The following PRKN variants were observed in gnomAD, a reference collection of about 807,000 sequenced individuals.
PRKN encodes parkin RBR E3 ubiquitin protein ligase.
In PRKN, 56 loss-of-function variants were observed where a neutral mutation model predicts 59.5. The observed-to-expected ratio is 0.94, with a 90% CI of 0.76 to 1.18. PRKN has a LOEUF of 1.18. Among genes scored for constraint, PRKN ranks in the 50% most tolerant of loss-of-function variants. PRKN has a pLI of 0.00. For missense variants in PRKN, 657 were observed against 596.4 expected (o/e 1.10, Z -1.06); for synonymous variants, 250 against 222.1 (o/e 1.13, Z -1.12).
At chr6:161,570,126 A>T (rs1337794196) in intron 7 of PRKN, among the ~76,000 whole-genome samples, 47 of 67,872 alleles carry the variant, frequency 6.9e-4, no homozygotes, top group East Asian at 6.6e-3. Flanking sequence ...TAAATAGGTA[A>T]AAAAAAAAAA....
At chr6:161,860,432 A>C (rs1313170823) in intron 6 of PRKN, among the ~76,000 whole-genome samples, 1 of 152,132 alleles carries the variant, frequency 6.6e-6, no homozygotes, top group Non-Finnish European at 1.5e-5. Flanking sequence ...ATCCCACTTA[A>C]ATCTTCTTTT....
At chr6:162,430,829 G>A (rs1395946234) in intron 2 of PRKN, among the ~76,000 whole-genome samples, 1 of 152,108 alleles carries the variant, frequency 6.6e-6, no homozygotes, top group African/African-American at 2.4e-5. Flanking sequence ...GCTAAAATAG[G>A]AAGAGAAATA....
At chr6:162,478,671 C>T (rs1247048354) in intron 1 of PRKN, among the ~76,000 whole-genome samples, 1 of 152,070 alleles carries the variant, frequency 6.6e-6, no homozygotes, top group African/African-American at 2.4e-5. Flanking sequence ...TTGGGAACAC[C>T]ACGGAAGGGA....
chr6:161,894,544 C>T (rs983846111), intron 6 of PRKN, among the ~76,000 whole-genome samples: 15 of 152,154 alleles, frequency 9.9e-5, no homozygotes, highest in African/African-American at 3.6e-4. Flanking sequence ...TTTGCTTGGA[C>T]CTTAATGTAT....
rs748916611 is a variant in PRKN, at chr6:161,355,657, C to A, written c.1285+4431G>T. Among the ~76,000 whole-genome samples, 1 of 152,136 alleles carries A rather than the reference C, an allele frequency of 6.6e-6. No homozygotes were observed. The highest frequency in any genetic ancestry group is 1.5e-5 in the Non-Finnish European group (1 of 68,032). ...TTGAACTCAAGCGATCTGCCAGCCT[C>A]GGCCTCCCAAAGTGCTGGGATTACA... On this transcript the variant is annotated intron_variant, in intron 11 of 11. Transcript: ENST00000366898. The surrounding 1 kb of genome is among the most constrained non-coding windows in gnomAD (Gnocchi z 6.8).
chr6:162,061,015 G>A (rs1778079833), intron 4 of PRKN, among the ~76,000 whole-genome samples: 1 of 152,266 alleles, frequency 6.6e-6, no homozygotes, highest in Non-Finnish European at 1.5e-5. Flanking sequence ...TGAAAAAGCT[G>A]TACCCAGAAG....
At chr6:161,792,889 G>C (rs1790693669) in intron 6 of PRKN, among the ~76,000 whole-genome samples, 1 of 152,194 alleles carries the variant, frequency 6.6e-6, no homozygotes. Context: ...CTTTTAGTTA[G>C]AGATGGCTTA....
chr6:162,403,357 C>T (rs1270774611), intron 2 of PRKN, among the ~76,000 whole-genome samples: 2 of 152,082 alleles, frequency 1.3e-5, no homozygotes, highest in Non-Finnish European at 2.9e-5. Context: ...ACCCGGGCTG[C>T]GTCTTTACTC....
intron 7 of PRKN, among the ~76,000 whole-genome samples, chr6:161,627,344 A>G (rs960470702): frequency 4.6e-5 from 7 of 152,234 alleles, no homozygotes; most frequent in African/African-American, 1.7e-4. Context: ...ATTTTCTGAA[A>G]GAACTCTACC....
chr6:161,783,653 A>G (rs905234265), intron 7 of PRKN: 1 of 505,466 alleles, frequency 2.0e-6, no homozygotes, highest in Non-Finnish European at 3.9e-6. Flanking sequence ...AAATGTTTCT[A>G]TTGTTTGTGG....
intron 2 of PRKN, among the ~76,000 whole-genome samples, chr6:162,341,075 A>AGG: frequency 6.6e-6 from 1 of 152,062 alleles, no homozygotes; most frequent in African/African-American, 2.4e-5. Flanking sequence ...TTACAAGGGA[A>AGG]AAAAAAACAT....
chr6:162,660,436 G>C (rs1010265757), intron 1 of PRKN, among the ~76,000 whole-genome samples: 1 of 152,082 alleles, frequency 6.6e-6, no homozygotes, highest in African/African-American at 2.4e-5. Flanking sequence ...AATTTCCTCT[G>C]CATCTTCTCC....
At chr6:161,991,669 C>T (rs1408448617) in intron 5 of PRKN, among the ~76,000 whole-genome samples, 6 of 151,884 alleles carry the variant, frequency 4.0e-5, no homozygotes, top group African/African-American at 1.5e-4. Context: ...CAGTGAAAGT[C>T]CATCTCTACT....
chr6:162,180,906 A>G (rs1378680363), intron 4 of PRKN, among the ~76,000 whole-genome samples: 1 of 152,184 alleles, frequency 6.6e-6, no homozygotes, highest in African/African-American at 2.4e-5. Flanking sequence ...TAGACCAGAG[A>G]TGGTAGACAC....
chr6:161,581,991 A>G lies in PRKN; in HGVS notation c.872-12575T>C, dbSNP rs542888779. Among the ~76,000 whole-genome samples, 10 of 152,286 alleles carry G rather than the reference A, an allele frequency of 6.6e-5. No homozygotes were observed. The highest frequency in any genetic ancestry group is 3.9e-4 in the Admixed American group (6 of 15,300). On this transcript the variant is annotated intron_variant, in intron 7 of 11. Coordinates refer to ENST00000366898, the MANE Select transcript of PRKN (RefSeq NM_004562.3). This position sits in a 1 kb window ranked among gnomAD's most constrained non-coding sequence, Gnocchi z 4.5. ...TCCACTCTCTTGTCTATTTTACATTATAACACCTCCAGATCAGAGAAGGAG... is the reference window on the plus strand; with the variant it reads ...TCCACTCTCTTGTCTATTTTACATTGTAACACCTCCAGATCAGAGAAGGAG...
At chr6:162,306,801 A>G (rs764416935) in intron 2 of PRKN, among the ~76,000 whole-genome samples, 1 of 152,164 alleles carries the variant, frequency 6.6e-6, no homozygotes, top group Non-Finnish European at 1.5e-5. Context: ...ATGGCCAACG[A>G]GGCAGAGCTA....
chr6:161,641,608 GAA>G (rs1783741313), intron 7 of PRKN, among the ~76,000 whole-genome samples: 1 of 152,228 alleles, frequency 6.6e-6, no homozygotes, highest in Non-Finnish European at 1.5e-5. Context: ...CTGTGTGAAT[GAA>G]ACTCTTTCTC....
rs1251859216 is a variant in PRKN at position 161,546,630 on chromosome 6, G to A, written c.1083+2224C>T. ...GCTTCTTCAAATTGCAAACTGTGGTGGTTTAAAATACGTTCATAAATTCTT... is the reference window on the plus strand; with the variant it reads ...GCTTCTTCAAATTGCAAACTGTGGTAGTTTAAAATACGTTCATAAATTCTT... On this transcript the variant is annotated intron_variant, in intron 9 of 11. Transcript: ENST00000366898. This position sits in a 1 kb window ranked among gnomAD's most constrained non-coding sequence, Gnocchi z 4.4. Among the ~76,000 whole-genome samples the A allele has an allele frequency of 6.6e-6, 1 of 151,530 alleles. No homozygotes were observed.
intron 2 of PRKN, among the ~76,000 whole-genome samples, chr6:162,409,912 G>A (rs1331273444): frequency 1.3e-5 from 2 of 152,114 alleles, no homozygotes; most frequent in African/African-American, 2.4e-5. Flanking sequence ...TTCTTTTCAC[G>A]GGATATGTGC....
Sources: allele counts gnomAD v4.1 joint callset (sites outside exome capture counted in the v4.1 genomes callset), GRCh38; gene constraint gnomAD v4.1.1; non-coding constraint Gnocchi (gnomAD v3.1); transcripts MANE v1.5; gene names NCBI Gene and HGNC (gene_info 2026-07-23, HGNC 2026-07-21).